HIPK2: variants seen among roughly 807,000 people sequenced by gnomAD.
HIPK2 encodes homeodomain interacting protein kinase 2, also known as homeodomain-interacting protein kinase 2.
HIPK2 carries 27 observed loss-of-function variants against 113.7 expected under a neutral mutation model. That is an observed-to-expected ratio of 0.24 (90% confidence interval 0.17 to 0.33). The LOEUF (loss-of-function observed/expected upper bound fraction) is 0.33, where lower values mean the gene tolerates loss of function less well. Ranked by LOEUF, HIPK2 falls within the 10% of genes least tolerant of loss-of-function variation. The pLI is 1.00. For synonymous variants in HIPK2, 631 were observed against 642.2 expected (o/e 0.98, Z 0.26); for missense variants, 1,257 against 1,588.0 (o/e 0.79, Z 3.54).
chr7:139,679,715 G>A (rs1057040494), intron 2 of HIPK2, among the ~76,000 whole-genome samples: 3 of 152,080 alleles, frequency 2.0e-5, no homozygotes, highest in African/African-American at 7.2e-5. Flanking sequence ...AAATTAACAT[G>A]GCTTTTTGTT....
chr7:139,572,977 T>G lies in HIPK2; in HGVS notation c.3547A>C (p.Thr1183Pro). The G allele has an allele frequency of 6.7e-7, 1 of 1,494,174 alleles. No individual in the cohort carries two copies. Among genetic ancestry groups the G allele is most frequent in the Admixed American group, 1.8e-5 (1 of 55,324 alleles). 92.6% of individuals were successfully genotyped at this position (1,494,174 alleles called of 1,614,324 possible). The change falls in exon 15 of 15, where the codon ACT becomes CCT. Residue 1183 changes from threonine (T) to proline (P), a missense_variant. Transcript: ENST00000406875. ...ISASPASTVY[T>P]GYPLSPAKVN... ...TTGGCGGGGCTCAGTGGGTATCCAGTGTAGACGGTGGAGGCTGGCGAGGCG... is the reference window on the plus strand; with the variant it reads ...TTGGCGGGGCTCAGTGGGTATCCAGGGTAGACGGTGGAGGCTGGCGAGGCG...
chr7:139,655,729 A>G (rs1312718368), intron 2 of HIPK2, among the ~76,000 whole-genome samples: 1 of 152,158 alleles, frequency 6.6e-6, no homozygotes, highest in Non-Finnish European at 1.5e-5. Flanking sequence ...TTACATTTGT[A>G]TTTTGGAAAC....
At chr7:139,576,452 G>A (rs941818815) in intron 13 of HIPK2, among the ~76,000 whole-genome samples, 1 of 152,284 alleles carries the variant, frequency 6.6e-6, no homozygotes, top group South Asian at 2.1e-4. Context: ...GGGGGACCAC[G>A]CTCTGAGTAG....
At chr7:139,686,895 G>A (rs556787986) in intron 2 of HIPK2, among the ~76,000 whole-genome samples, 3 of 152,298 alleles carry the variant, frequency 2.0e-5, no homozygotes, top group Non-Finnish European at 4.4e-5. Flanking sequence ...GAACTCTTTC[G>A]TGAAGGGAAG....
At chr7:139,615,904 G>A (rs527337076) in intron 7 of HIPK2, among the ~76,000 whole-genome samples, 2 of 152,262 alleles carry the variant, frequency 1.3e-5, no homozygotes, top group South Asian at 4.2e-4. Flanking sequence ...TTGCAGCGTC[G>A]CATAGTCTGC....
chr7:139,687,038 A>T (rs1247138264), intron 2 of HIPK2, among the ~76,000 whole-genome samples: 1 of 152,224 alleles, frequency 6.6e-6, no homozygotes, highest in African/African-American at 2.4e-5. Context: ...ACCAGCAAAA[A>T]GATTATGACT....
intron 12 of HIPK2, among the ~76,000 whole-genome samples, chr7:139,595,202 C>A (rs994550208): frequency 1.3e-5 from 2 of 152,194 alleles, no homozygotes; most frequent in Admixed American, 1.3e-4. Flanking sequence ...AAGGGCCGGG[C>A]AAGGCTGCTG....
intron 1 of HIPK2, among the ~76,000 whole-genome samples, chr7:139,742,915 G>A (rs1414030025): frequency 2.6e-5 from 4 of 152,198 alleles, no homozygotes; most frequent in Non-Finnish European, 4.4e-5. Flanking sequence ...ACTGACTTAT[G>A]AGGAACAATC....
intron 1 of HIPK2, 143 bp from the exon 2 acceptor site, chr7:139,717,158 T>A: frequency 2.6e-6 from 3 of 1,132,984 alleles, no homozygotes. Flanking sequence ...AAAAAGTGAA[T>A]CTCTTCCACC....
chr7:139,768,530 T>C (rs1016861924), intron 1 of HIPK2, among the ~76,000 whole-genome samples: 2 of 152,080 alleles, frequency 1.3e-5, no homozygotes, highest in East Asian at 3.9e-4. Flanking sequence ...TTCTCTCCTG[T>C]GATTTTTGTT....
At chr7:139,672,071 G>T (rs1436849879) in intron 2 of HIPK2, among the ~76,000 whole-genome samples, 3 of 109,992 alleles carry the variant, frequency 2.7e-5, no homozygotes, top group Non-Finnish European at 5.4e-5. Flanking sequence ...TATAGTTTAT[G>T]TCTATAGCTT....
At chr7:139,740,812 C>A (rs1166075657) in intron 1 of HIPK2, among the ~76,000 whole-genome samples, 1 of 152,228 alleles carries the variant, frequency 6.6e-6, no homozygotes, top group Non-Finnish European at 1.5e-5. Context: ...AACAAACACT[C>A]ACACTTCATG....
At chr7:139,771,458 C>T (rs547311722) in intron 1 of HIPK2, among the ~76,000 whole-genome samples, 3 of 151,900 alleles carry the variant, frequency 2.0e-5, no homozygotes, top group Non-Finnish European at 2.9e-5. Context: ...TAAAGACGGC[C>T]GAAATGAATG....
chr7:139,599,461 A>C (rs1799344470), intron 11 of HIPK2, among the ~76,000 whole-genome samples: 1 of 152,152 alleles, frequency 6.6e-6, no homozygotes, highest in South Asian at 2.1e-4. Flanking sequence ...CCTTTTCCGA[A>C]ATGCCATATA....
At chr7:139,645,339 C>T (rs754198038) in intron 2 of HIPK2, among the ~76,000 whole-genome samples, 7 of 152,084 alleles carry the variant, frequency 4.6e-5, no homozygotes, top group Non-Finnish European at 7.4e-5. Context: ...TGTCACCAGC[C>T]GGAGACATAC....
Position 139,739,256 on chromosome 7 carries a change from C to T in HIPK2, c.20-22241G>A, listed in dbSNP as rs555001946. Among the ~76,000 whole-genome samples, 6 of 152,000 alleles carry T rather than the reference C, an allele frequency of 3.9e-5. No individual in the cohort carries two copies. The South Asian group carries it at 1.2e-3, about 31-fold the overall frequency. On this transcript the variant is annotated intron_variant, in intron 1 of 14. Transcript: ENST00000406875. ...ATTTTTAAAGTAACAGCTTTATGGA[C>T]ATAACAACTCACATACCATAAAGTT...
At chr7:139,762,593 AT>A (rs1238486285) in intron 1 of HIPK2, among the ~76,000 whole-genome samples, 1 of 152,326 alleles carries the variant, frequency 6.6e-6, no homozygotes, top group East Asian at 1.9e-4. Flanking sequence ...ACCTATCAAG[AT>A]GTCTTTTGCT....
chr7:139,640,934 ACTTT>A (rs1198184642), intron 2 of HIPK2, among the ~76,000 whole-genome samples: 7 of 152,242 alleles, frequency 4.6e-5, no homozygotes, highest in Admixed American at 4.6e-4. Flanking sequence ...TTTTAAAGCC[ACTTT>A]CTTTCTGATA....
At chr7:139,671,914 C>T (rs1234397705) in intron 2 of HIPK2, among the ~76,000 whole-genome samples, 2 of 152,280 alleles carry the variant, frequency 1.3e-5, no homozygotes, top group East Asian at 3.9e-4. Flanking sequence ...AAAATCTAAG[C>T]CTTGAATGTG....
Sources: allele counts gnomAD v4.1 joint callset (sites outside exome capture counted in the v4.1 genomes callset), GRCh38; gene constraint gnomAD v4.1.1; transcripts MANE v1.5; gene names NCBI Gene and HGNC (gene_info 2026-07-23, HGNC 2026-07-21).